PDLIM5: variants seen among roughly 807,000 people sequenced by gnomAD.
PDLIM5 encodes PDZ and LIM domain protein 5.
A neutral mutation model predicts 64.2 loss-of-function variants in PDLIM5; 34 were observed. The observed-to-expected ratio is 0.53, with a 90% CI of 0.40 to 0.71. The LOEUF (loss-of-function observed/expected upper bound fraction) is 0.71. Ranked by LOEUF, PDLIM5 falls within the 30% of genes least tolerant of loss-of-function variation. PDLIM5 has a pLI of 0.00. For missense variants in PDLIM5, 683 were observed against 733.6 expected (o/e 0.93, Z 0.80); for synonymous variants, 253 against 269.1 (o/e 0.94, Z 0.59).
rs548368719 is a variant in PDLIM5 at position 94,455,586 on chromosome 4, G to T, written c.96+202G>T. ...ACTGACTTCAATTTAACTTCTTTTC[G>T]TTTTCCCCCATGTTATCAATAATAA... On this transcript the variant is annotated intron_variant, in intron 2 of 12. Coordinates refer to ENST00000317968, the MANE Select transcript of PDLIM5 (RefSeq NM_006457.5). 2.5e-4 allele frequency: 157 copies of T among 633,066 alleles called. 2 individuals carry two copies. The Middle Eastern group carries it at 6.4e-3, about 26-fold the overall frequency. The allele number at this position is 633,066 out of a possible 1,614,324, so 39.2% of individuals were successfully genotyped here.
intron 3 of PDLIM5, among the ~76,000 whole-genome samples, chr4:94,558,121 T>A (rs1463270805): frequency 6.6e-6 from 1 of 152,250 alleles, no homozygotes; most frequent in African/African-American, 2.4e-5. Flanking sequence ...CATCAAGGGC[T>A]GTTGAATTTT....
intron 8 of PDLIM5, among the ~76,000 whole-genome samples, chr4:94,620,652 T>C (rs1402606322): frequency 6.6e-6 from 1 of 152,148 alleles, no homozygotes; most frequent in Non-Finnish European, 1.5e-5. Flanking sequence ...TTTTTCACAG[T>C]GTTTAAATAT....
chr4:94,474,656 T>G (rs1199133734), intron 2 of PDLIM5, among the ~76,000 whole-genome samples: 1 of 152,180 alleles, frequency 6.6e-6, no homozygotes, highest in Non-Finnish European at 1.5e-5. Context: ...ATTAAAATTT[T>G]ATTTCTTATT....
At chr4:94,590,735 G>A (rs1736612344) in intron 7 of PDLIM5, among the ~76,000 whole-genome samples, 1 of 152,182 alleles carries the variant, frequency 6.6e-6, no homozygotes, top group South Asian at 2.1e-4. Context: ...AAAGGTCAGT[G>A]TGGCTGGAGT....
At chr4:94,587,880 G>A (rs1051507599) in intron 7 of PDLIM5, 2 of 882,192 alleles carry the variant, frequency 2.3e-6, no homozygotes, top group African/African-American at 3.6e-5. Context: ...TTAATCAGAA[G>A]AACATAAAAT....
intron 8 of PDLIM5, among the ~76,000 whole-genome samples, chr4:94,626,271 G>A (rs1458602896): frequency 1.3e-5 from 2 of 151,382 alleles, no homozygotes; most frequent in Admixed American, 1.3e-4. Context: ...TTGATTAGTA[G>A]TAATCATTGT....
chr4:94,461,395 T>G (rs1347998971), intron 2 of PDLIM5, among the ~76,000 whole-genome samples: 1 of 152,190 alleles, frequency 6.6e-6, no homozygotes, highest in Non-Finnish European at 1.5e-5. Flanking sequence ...GTGACCATGG[T>G]GTCTACTGAT....
chr4:94,634,195 T>C (rs1465252659), intron 8 of PDLIM5, among the ~76,000 whole-genome samples: 2 of 152,088 alleles, frequency 1.3e-5, no homozygotes, highest in African/African-American at 4.8e-5. Context: ...TGACTTCATT[T>C]TTACTGACTT....
chr4:94,610,182 T>C (rs1166318308), intron 7 of PDLIM5: 2 of 1,526,664 alleles, frequency 1.3e-6, no homozygotes, highest in East Asian at 2.5e-5. Flanking sequence ...CCACAGGAAA[T>C]GTGGAAGATT....
chr4:94,519,043 A>C (rs537479146), intron 2 of PDLIM5, among the ~76,000 whole-genome samples: 3 of 152,176 alleles, frequency 2.0e-5, no homozygotes, highest in Non-Finnish European at 2.9e-5. Flanking sequence ...TTAGGAATCG[A>C]TTTTGGGAAA....
chr4:94,455,888 G>T, intron 2 of PDLIM5: 1 of 1,415,636 alleles, frequency 7.1e-7, no homozygotes. Context: ...AAGAGGAAAT[G>T]AAGGGCTTGG....
chr4:94,594,156 G>C (rs923287728), intron 7 of PDLIM5, among the ~76,000 whole-genome samples: 6 of 152,176 alleles, frequency 3.9e-5, no homozygotes, highest in African/African-American at 1.4e-4. Flanking sequence ...TAAGTCACTT[G>C]AAAGGGGAAT....
At chr4:94,632,788 C>T (rs1191794859) in intron 8 of PDLIM5, among the ~76,000 whole-genome samples, 1 of 152,114 alleles carries the variant, frequency 6.6e-6, no homozygotes, top group African/African-American at 2.4e-5. Context: ...TCAACCCATG[C>T]TTGCTGGCTT....
intron 1 of PDLIM5, among the ~76,000 whole-genome samples, chr4:94,454,424 C>A (rs1415339151): frequency 6.6e-6 from 1 of 151,730 alleles, no homozygotes; most frequent in Admixed American, 6.6e-5. Context: ...AAGAAAGCAC[C>A]GAAGCACTGG....
intron 3 of PDLIM5, among the ~76,000 whole-genome samples, chr4:94,561,626 C>T (rs1163176214): frequency 1.3e-5 from 2 of 152,186 alleles, no homozygotes; most frequent in African/African-American, 4.8e-5. Flanking sequence ...ATTAATATGA[C>T]AGGATCTCCT....
intron 3 of PDLIM5, among the ~76,000 whole-genome samples, chr4:94,524,831 A>C (rs1441788969): frequency 6.6e-6 from 1 of 152,170 alleles, no homozygotes; most frequent in African/African-American, 2.4e-5. Flanking sequence ...TATGACTTAC[A>C]AAGTTTGATC....
chr4:94,502,583 T>A (rs780042804), intron 2 of PDLIM5, among the ~76,000 whole-genome samples: 26 of 152,054 alleles, frequency 1.7e-4, no homozygotes, highest in Non-Finnish European at 2.2e-4. Flanking sequence ...TTTATGAGAT[T>A]AAGTAAGTTA....
intron 7 of PDLIM5, among the ~76,000 whole-genome samples, chr4:94,602,658 G>T (rs1449259777): frequency 2.0e-5 from 3 of 151,970 alleles, no homozygotes; most frequent in Non-Finnish European, 4.4e-5. Context: ...GTTTTGCCAT[G>T]TGGGCCAGGC....
chr4:94,623,802 T>C lies in PDLIM5; in HGVS notation c.1108+5611T>C, dbSNP rs72880419. Among the ~76,000 whole-genome samples, 1,216 of 152,256 alleles carry C rather than the reference T, an allele frequency of 8.0e-3. 19 individuals are homozygous for C. The highest frequency in any genetic ancestry group is 0.029 in the African/African-American group (1,187 of 41,546). On this transcript the variant is annotated intron_variant, in intron 8 of 12. Transcript: ENST00000317968. ...AAACTTGAAATTCCCACAACAGTCA[T>C]TGAAAAGGTGGGAGCACTGTCTGCC...
Sources: gnomAD v4.1 joint callset for allele counts (sites outside exome capture counted in the v4.1 genomes callset) on GRCh38, gnomAD v4.1.1 for gene constraint, MANE v1.5 for transcripts, NCBI Gene and HGNC (gene_info 2026-07-23, HGNC 2026-07-21) for gene names.